Variants in PALM2AKAP2 observed in about 807,000 individuals in gnomAD.
The protein encoded by PALM2AKAP2 is PALM2-AKAP2 fusion protein.
A neutral mutation model predicts 71.5 loss-of-function variants in PALM2AKAP2; 37 were observed. The ratio of observed to expected loss-of-function variants is 0.52; its 90% CI spans 0.40 to 0.68. The LOEUF (loss-of-function observed/expected upper bound fraction) is 0.68, where lower values mean the gene tolerates loss of function less well. Ranked by LOEUF, PALM2AKAP2 falls within the 30% of genes least tolerant of loss-of-function variation. The pLI is 0.00. For synonymous variants in PALM2AKAP2, 468 were observed against 478.8 expected (o/e 0.98, Z 0.29); for missense variants, 1,224 against 1,191.8 (o/e 1.03, Z -0.40).
chr9:109,845,223 C>T (rs1564176763), intron 1 of PALM2AKAP2, among the ~76,000 whole-genome samples: 1 of 152,230 alleles, frequency 6.6e-6, no homozygotes, highest in East Asian at 1.9e-4. Context: ...TGCTTTGTTT[C>T]TCACCATGTG....
chr9:110,160,877 G>A (rs900443940), intron 3 of PALM2AKAP2, among the ~76,000 whole-genome samples: 16 of 152,144 alleles, frequency 1.1e-4, no homozygotes, highest in African/African-American at 3.9e-4. Context: ...TTACTGAGAG[G>A]TCATCCAACC....
At chr9:109,765,403 G>A (rs1829132474) in intron 1 of PALM2AKAP2, 1 of 153,044 alleles carries the variant, frequency 6.5e-6, no homozygotes, top group African/African-American at 2.4e-5. Flanking sequence ...TAAGTGCTCA[G>A]TAATGTTACC....
At chr9:109,911,199 G>A (rs1007840448) in intron 3 of PALM2AKAP2, among the ~76,000 whole-genome samples, 2 of 152,086 alleles carry the variant, frequency 1.3e-5, no homozygotes, top group African/African-American at 2.4e-5. Flanking sequence ...GGAAAAGGAG[G>A]GGGTTTAAGC....
At chr9:109,839,960 A>G (rs1020653767) in intron 1 of PALM2AKAP2, among the ~76,000 whole-genome samples, 5 of 152,216 alleles carry the variant, frequency 3.3e-5, no homozygotes, top group African/African-American at 1.2e-4. Flanking sequence ...TATAGATTCA[A>G]TGCCATCCCC....
intron 6 of PALM2AKAP2, among the ~76,000 whole-genome samples, chr9:110,007,385 A>C (rs1037407288): frequency 1.3e-5 from 2 of 152,260 alleles, no homozygotes; most frequent in African/African-American, 4.8e-5. Flanking sequence ...AGTTGGTCTC[A>C]GCATCTTGTA....
At chr9:109,959,717 G>C (rs1831819793) in intron 6 of PALM2AKAP2, among the ~76,000 whole-genome samples, 1 of 152,022 alleles carries the variant, frequency 6.6e-6, no homozygotes, top group Non-Finnish European at 1.5e-5. Context: ...TAGAAAGTTA[G>C]GCATAGAAAC....
chr9:109,644,004 G>GT (rs1349676370), intron 1 of PALM2AKAP2, among the ~76,000 whole-genome samples: 16 of 151,596 alleles, frequency 1.1e-4, no homozygotes, highest in Admixed American at 9.9e-4. Context: ...GGGTGGCGGG[G>GT]GTGTCACAGA....
intron 1 of PALM2AKAP2, among the ~76,000 whole-genome samples, chr9:110,095,846 C>A (rs535409565): frequency 6.6e-6 from 1 of 152,206 alleles, no homozygotes; most frequent in Non-Finnish European, 1.5e-5. Context: ...TAGAGTGGGA[C>A]CATCTTGGCC....
intron 3 of PALM2AKAP2, among the ~76,000 whole-genome samples, chr9:109,886,561 G>A (rs140224985): frequency 8.9e-4 from 135 of 152,296 alleles, no homozygotes; most frequent in African/African-American, 3.2e-3. Context: ...ATGAAAATGG[G>A]ATGAGCTGTC....
At chr9:109,689,667 C>T (rs1827853981) in intron 1 of PALM2AKAP2, among the ~76,000 whole-genome samples, 2 of 152,190 alleles carry the variant, frequency 1.3e-5, no homozygotes, top group South Asian at 4.1e-4. Flanking sequence ...GTATCATCTT[C>T]ATGGTTAATA....
At chr9:109,741,639 T>C (rs984092630) in intron 1 of PALM2AKAP2, among the ~76,000 whole-genome samples, 1 of 152,210 alleles carries the variant, frequency 6.6e-6, no homozygotes, top group Non-Finnish European at 1.5e-5. Flanking sequence ...CTGGTGGGTT[T>C]GTTTGTTTTT....
chr9:109,914,897 C>T (rs754646468), intron 3 of PALM2AKAP2, among the ~76,000 whole-genome samples: 3 of 152,196 alleles, frequency 2.0e-5, no homozygotes, highest in Non-Finnish European at 4.4e-5. Flanking sequence ...CACTTCTTTA[C>T]TGCTTCTCTT....
chr9:109,666,227 A>G (rs1827482829), intron 1 of PALM2AKAP2, among the ~76,000 whole-genome samples: 1 of 152,164 alleles, frequency 6.6e-6, no homozygotes, highest in South Asian at 2.1e-4. Context: ...GAGATGAACC[A>G]GGTACCTCAG....
intron 1 of PALM2AKAP2, among the ~76,000 whole-genome samples, chr9:109,758,671 A>G (rs578118473): frequency 6.6e-5 from 10 of 152,192 alleles, no homozygotes; most frequent in African/African-American, 2.2e-4. Flanking sequence ...GTTTATTTCT[A>G]TAAGTGACCT....
chr9:109,675,500 A>G (rs10979992), intron 1 of PALM2AKAP2, among the ~76,000 whole-genome samples: 24,906 of 152,070 alleles, frequency 0.16, 2,577 homozygotes, highest in African/African-American at 0.29. Context: ...TTGCCTCCAT[A>G]CTTGTTTGGC....
At chr9:110,148,212 T>A (rs992701299) in intron 2 of PALM2AKAP2, among the ~76,000 whole-genome samples, 2 of 152,200 alleles carry the variant, frequency 1.3e-5, no homozygotes, top group Non-Finnish European at 2.9e-5. Context: ...CCTTAAACTC[T>A]GCTTGCCCTG....
chr9:109,656,311 C>A (rs1262999896), intron 1 of PALM2AKAP2, among the ~76,000 whole-genome samples: 1 of 152,132 alleles, frequency 6.6e-6, no homozygotes. Context: ...GTCAGCCAGA[C>A]CTTCTAGGCC....
exon 4 of PALM2AKAP2, chr9:110,168,688 C>A: frequency 3.0e-6 from 2 of 674,144 alleles, no homozygotes; most frequent in Non-Finnish European, 4.6e-6. Flanking sequence ...AGACTCTGGA[C>A]ACCCAGGAAT....
At position 109,835,097 on chromosome 9, in the gene PALM2AKAP2, A is replaced by G. The variant is rs1285123637; in HGVS notation, c.46-32394A>G. On this transcript the variant is annotated intron_variant, in intron 1 of 9. Coordinates refer to the PALM2AKAP2 transcript ENST00000302798. Reference sequence around the variant, plus strand: ...TGGTTGTGGTTTTTTGACACCTGGCATTTGTGTTTAACAGCCCCAGTGGTT... The same window carrying G: ...TGGTTGTGGTTTTTTGACACCTGGCGTTTGTGTTTAACAGCCCCAGTGGTT... Among the ~76,000 whole-genome samples, 5 of 151,696 alleles carry G rather than the reference A, an allele frequency of 3.3e-5. No homozygotes were observed. In the South Asian group the frequency reaches 6.3e-4, roughly 19 times the overall value.
Sources: gnomAD v4.1 joint callset for allele counts (sites outside exome capture counted in the v4.1 genomes callset) on GRCh38, gnomAD v4.1.1 for gene constraint, MANE v1.5 for transcripts, NCBI Gene and HGNC (gene_info 2026-07-23, HGNC 2026-07-21) for gene names.